Variants in DOCK2 observed in about 807,000 individuals in gnomAD.
DOCK2 encodes dedicator of cytokinesis protein 2.
Under a neutral mutation model 248.9 loss-of-function variants are expected in DOCK2, and 87 were observed. The observed-to-expected ratio is 0.35, with a 90% CI of 0.29 to 0.42. The LOEUF (loss-of-function observed/expected upper bound fraction) is 0.42, where lower values mean the gene tolerates loss of function less well. Ranked by LOEUF, DOCK2 falls within the 10% of genes least tolerant of loss-of-function variation. The pLI, the probability that DOCK2 is intolerant of heterozygous loss-of-function variation, is 1.00. For missense variants in DOCK2, 1,747 were observed against 2,300.2 expected (o/e 0.76, Z 4.92); for synonymous variants, 805 against 821.6 (o/e 0.98, Z 0.35).
chr5:169,886,473 C>T (rs1293233511), intron 27 of DOCK2, among the ~76,000 whole-genome samples: 2 of 152,180 alleles, frequency 1.3e-5, no homozygotes, highest in Non-Finnish European at 2.9e-5. Flanking sequence ...CATCTTCCTC[C>T]TCAGATAATA....
intron 33 of DOCK2, 77 bp from the exon 34 acceptor site, chr5:170,027,786 G>T: frequency 7.1e-7 from 1 of 1,402,488 alleles, no homozygotes; most frequent in Non-Finnish European, 9.9e-7. Context: ...TAAAGCTTTG[G>T]TTGAAATAAT....
At chr5:169,758,556 A>C (rs79541584) in intron 23 of DOCK2, among the ~76,000 whole-genome samples, 11,602 of 152,286 alleles carry the variant, frequency 0.076, 477 homozygotes, top group South Asian at 0.12. Flanking sequence ...TAAGGTGACC[A>C]TGTAGCTTAA....
At chr5:170,034,372 C>T in intron 34 of DOCK2, 27 bp from the exon 35 acceptor site, 1 of 1,612,864 alleles carries the variant, frequency 6.2e-7, no homozygotes, top group East Asian at 2.2e-5. Flanking sequence ...CAGCCATGAG[C>T]TCACTGCCCT....
chr5:169,684,533 G>GT (rs1022689402), intron 8 of DOCK2, among the ~76,000 whole-genome samples, 183 bp downstream of exon 8: 7 of 152,228 alleles, frequency 4.6e-5, no homozygotes, highest in African/African-American at 9.6e-5. Context: ...TTTACCACCA[G>GT]TTTTTTCCCA....
intron 25 of DOCK2, among the ~76,000 whole-genome samples, chr5:169,766,037 AC>A (rs1764765025): frequency 6.6e-6 from 1 of 152,104 alleles, no homozygotes; most frequent in Non-Finnish European, 1.5e-5. Flanking sequence ...GGAATAAACA[AC>A]CCTCTGACTC....
At chr5:169,823,572 C>T (rs534413719) in intron 26 of DOCK2, among the ~76,000 whole-genome samples, 2 of 152,124 alleles carry the variant, frequency 1.3e-5, no homozygotes, top group Non-Finnish European at 2.9e-5. Flanking sequence ...ATTCAGCAGC[C>T]CTTCCTGCTA....
At chr5:169,743,838 ATATTT>A (rs1034638533) in intron 22 of DOCK2, among the ~76,000 whole-genome samples, 15 of 148,348 alleles carry the variant, frequency 1.0e-4, no homozygotes, top group African/African-American at 3.7e-4. Flanking sequence ...ATATATATTT[ATATTT>A]TAAGACATAT....
intron 30 of DOCK2, 112 bp from the exon 31 acceptor site, chr5:170,008,385 C>T: frequency 2.7e-6 from 3 of 1,109,644 alleles, no homozygotes; most frequent in Non-Finnish European, 4.0e-6. Context: ...CACAATTAAA[C>T]TGGTTCGGCC....
intron 26 of DOCK2, among the ~76,000 whole-genome samples, chr5:169,832,458 C>G (rs532818520): frequency 1.3e-5 from 2 of 152,296 alleles, no homozygotes; most frequent in South Asian, 4.2e-4. Flanking sequence ...GCAGTGCCAC[C>G]CACCCTGCCT....
Position 169,978,282 on chromosome 5 carries a change from C to T in DOCK2, c.2800-4786C>T, listed in dbSNP as rs72828618. ...ATGGGCAGGCAGCACCCATGCCCCT[C>T]GCCCCTATTTTGTTTGTTTGTTTCC... On this transcript the variant is annotated intron_variant, in intron 27 of 51. Transcript: ENST00000520908. Among the ~76,000 whole-genome samples the T allele has an allele frequency of 3.2e-3, 487 of 150,526 alleles. 1 individual carries two copies. The highest frequency in any genetic ancestry group is 5.6e-3 in the Non-Finnish European group (377 of 67,818).
At chr5:169,861,381 T>A (rs539462761) in intron 27 of DOCK2, among the ~76,000 whole-genome samples, 20 of 152,218 alleles carry the variant, frequency 1.3e-4, no homozygotes, top group Non-Finnish European at 2.6e-4. Context: ...AAACCTTACA[T>A]CAGTACATCG....
intron 43 of DOCK2, chr5:170,057,112 T>C (rs1581562882): frequency 5.6e-6 from 2 of 357,950 alleles, no homozygotes; most frequent in East Asian, 1.4e-4. Flanking sequence ...GCCACAGCAA[T>C]GTAGTCATCA....
intron 27 of DOCK2, chr5:169,884,231 C>T (rs994631249): frequency 2.6e-5 from 5 of 194,592 alleles, no homozygotes; most frequent in East Asian, 1.3e-4. Context: ...GGCTGGCACG[C>T]GGTTCTGATC....
intron 27 of DOCK2, among the ~76,000 whole-genome samples, chr5:169,871,459 C>T (rs966452171): frequency 1.4e-4 from 21 of 152,182 alleles, no homozygotes; most frequent in African/African-American, 4.8e-4. Context: ...TACAAGTTTA[C>T]ACTCCTTCTC....
At position 170,082,864 on chromosome 5, in the gene DOCK2, T is replaced by C. The variant is rs779582395; in HGVS notation, c.*6T>C. ...CGCTGTCCACGGACCTGTGAGCTGC[T>C]GCTGACTAGGGCTGCATGGGAGAGC... On this transcript the variant is annotated 3_prime_UTR_variant, in exon 52 of 52. Transcript: ENST00000520908. 21 of 1,614,228 alleles carry C rather than the reference T, an allele frequency of 1.3e-5. No individual in the cohort carries two copies. In the African/African-American group the frequency reaches 2.4e-4, roughly 18 times the overall value.
chr5:169,784,218 A>G (rs966203209), intron 25 of DOCK2, among the ~76,000 whole-genome samples: 1 of 152,098 alleles, frequency 6.6e-6, no homozygotes, highest in Non-Finnish European at 1.5e-5. Context: ...TTTTCCTGGT[A>G]AGACTTTCAG....
At chr5:169,807,406 G>A (rs1767447122) in intron 26 of DOCK2, among the ~76,000 whole-genome samples, 1 of 152,156 alleles carries the variant, frequency 6.6e-6, no homozygotes, top group Non-Finnish European at 1.5e-5. Context: ...TAGAGGCCAT[G>A]CTCAGAAACC....
intron 25 of DOCK2, among the ~76,000 whole-genome samples, chr5:169,776,276 C>T (rs1396242432): frequency 6.6e-6 from 1 of 151,634 alleles, no homozygotes; most frequent in Non-Finnish European, 1.5e-5. Flanking sequence ...AATCTTCCCA[C>T]CTCAGCCTCC....
intron 27 of DOCK2, among the ~76,000 whole-genome samples, chr5:169,904,632 C>A (rs936620633): frequency 6.6e-6 from 1 of 152,190 alleles, no homozygotes; most frequent in African/African-American, 2.4e-5. Flanking sequence ...CAGCCTCTCC[C>A]CCTAGTGAGG....
Sources: allele counts gnomAD v4.1 joint callset (sites outside exome capture counted in the v4.1 genomes callset), GRCh38; gene constraint gnomAD v4.1.1; transcripts MANE v1.5; gene names NCBI Gene and HGNC (gene_info 2026-07-23, HGNC 2026-07-21).